The following TMEM131L variants were observed in gnomAD, a reference collection of about 807,000 sequenced individuals.
The protein encoded by TMEM131L is transmembrane 131 like, also known as transmembrane protein 131-like.
TMEM131L carries 54 observed loss-of-function variants against 192.2 expected under a neutral mutation model. The observed-to-expected ratio is 0.28, with a 90% CI of 0.23 to 0.35. The LOEUF is 0.35. Among genes scored for constraint, TMEM131L ranks in the 10% least tolerant of loss-of-function variants. The probability of loss-of-function intolerance (pLI) is 1.00; values close to 1 mark genes in which losing one functional copy is unlikely to be tolerated. For missense variants in TMEM131L, 1,888 were observed against 1,972.9 expected (o/e 0.96, Z 0.82); for synonymous variants, 701 against 704.9 (o/e 0.99, Z 0.09).
In TMEM131L at chr4:153,591,113, C is replaced by T. The variant is rs764982747; in HGVS notation, c.1731C>T (p.Ser577=). Residue 577 remains serine (S), a synonymous_variant, in exon 17 of 35, where the codon TCC becomes TCT. Coordinates refer to ENST00000409959, the MANE Select transcript of TMEM131L (RefSeq NM_001131007.2). The part of the protein sequence containing the change: ...AHLKKSKESE[S]FVFFLPRLIA... ...TGAAGAAATCCAAGGAGTCAGAGTC[C>T]TTTGTTTTCTTTTTGCCTCGTTTGA... 3.1e-6 allele frequency: 5 copies of T among 1,610,588 alleles called. No homozygotes were observed. Among genetic ancestry groups the T allele is most frequent in the Non-Finnish European group, 4.2e-6 (5 of 1,177,978 alleles).
At chr4:153,622,181 C>T (rs988828905) in intron 28 of TMEM131L, among the ~76,000 whole-genome samples, 4 of 152,294 alleles carry the variant, frequency 2.6e-5, no homozygotes, top group East Asian at 1.9e-4. Context: ...GTGCTACCCC[C>T]GTGCCTGAGT....
At chr4:153,626,071 C>A in intron 29 of TMEM131L, 76 bp from the exon 30 acceptor site, 2 of 855,420 alleles carry the variant, frequency 2.3e-6, no homozygotes, top group Non-Finnish European at 3.9e-6. Context: ...TATTAATAAC[C>A]TATGCATTTT....
chr4:153,539,492 ATTTTTTT>A (rs750436196), intron 3 of TMEM131L, among the ~76,000 whole-genome samples: 15 of 110,814 alleles, frequency 1.4e-4, no homozygotes, highest in Non-Finnish European at 1.8e-4. Flanking sequence ...CAGAGGCTAG[ATTTTTTT>A]TTTTTTTTTT....
At chr4:153,608,568 G>A (rs1294544547) in intron 25 of TMEM131L, among the ~76,000 whole-genome samples, 1 of 152,198 alleles carries the variant, frequency 6.6e-6, no homozygotes, top group East Asian at 1.9e-4. Flanking sequence ...TAATGTAAAG[G>A]TATAATTAAA....
At chr4:153,545,389 G>A (rs571952118) in intron 3 of TMEM131L, among the ~76,000 whole-genome samples, 64 of 150,980 alleles carry the variant, frequency 4.2e-4, no homozygotes, top group African/African-American at 1.1e-3. Flanking sequence ...CCGGGTTCAC[G>A]CCATTCTCCT....
intron 31 of TMEM131L, among the ~76,000 whole-genome samples, chr4:153,631,506 G>A (rs1280129874): frequency 1.3e-5 from 2 of 152,194 alleles, no homozygotes; most frequent in Non-Finnish European, 2.9e-5. Flanking sequence ...TGCTACAGGA[G>A]AAGAACCCTG....
intron 15 of TMEM131L, 142 bp downstream of exon 15, chr4:153,587,953 A>C (rs1448572890): frequency 1.5e-6 from 1 of 678,802 alleles, no homozygotes; most frequent in Non-Finnish European, 2.6e-6. Flanking sequence ...TAACAGAATG[A>C]CTTAAAATTG....
intron 33 of TMEM131L, 26 bp from the exon 34 acceptor site, chr4:153,635,406 T>C (rs1287577447): frequency 1.9e-6 from 3 of 1,610,606 alleles, no homozygotes; most frequent in Non-Finnish European, 2.5e-6. Flanking sequence ...TGTTTACCTA[T>C]GATGATATTC....
intron 7 of TMEM131L, among the ~76,000 whole-genome samples, chr4:153,563,952 G>A (rs906334674): frequency 6.6e-6 from 1 of 152,076 alleles, no homozygotes; most frequent in Non-Finnish European, 1.5e-5. Flanking sequence ...GAGGTGACCA[G>A]GTCATGAGGA....
chr4:153,512,507 C>T (rs982432576), intron 3 of TMEM131L, among the ~76,000 whole-genome samples: 17 of 152,324 alleles, frequency 1.1e-4, no homozygotes, highest in African/African-American at 4.1e-4. Flanking sequence ...ACTTGCCAAA[C>T]TTTAATATGA....
chr4:153,603,671 G>T, intron 24 of TMEM131L, 131 bp from the exon 25 acceptor site: 1 of 1,126,910 alleles, frequency 8.9e-7, no homozygotes. Flanking sequence ...AACTCTTGGA[G>T]CTTTGGAAGA....
rs370358127 is a variant in TMEM131L, at chr4:153,580,876, A to G, written c.711A>G (p.Leu237=). The part of the protein sequence containing the change: ...SLLQVQLECS[L]HNKVCQQLKG... ...TGCAGGTGCAACTGGAATGCAGTTT[A>G]CATAATAAAGTGTGTCAGCAATTAA... Residue 237 remains leucine, a synonymous_variant, in exon 8 of 35, where the codon TTA becomes TTG. Transcript: ENST00000409959. 24 of 1,611,314 alleles carry G rather than the reference A, an allele frequency of 1.5e-5. No individual in the cohort carries two copies. The highest frequency in any genetic ancestry group is 2.0e-5 in the Non-Finnish European group (23 of 1,177,596).
Position 153,581,398 on chromosome 4 carries a change from C to G in TMEM131L, c.739-9C>G. 1 of 1,516,374 alleles carries G rather than the reference C, an allele frequency of 6.6e-7. No homozygotes were observed. Among genetic ancestry groups the G allele is most frequent in the Non-Finnish European group, 8.9e-7 (1 of 1,128,890 alleles). 93.9% of individuals were successfully genotyped at this position (1,516,374 alleles called of 1,614,324 possible). A position where few individuals can be genotyped will look rare whatever the true frequency, so the allele number is the denominator to read the frequency against. ...TTTTTTCCTTTTTTCCTCCTCCTTC[C>G]AACCATAGGGTTGTTATCTGGAATC... On this transcript the variant is annotated splice_polypyrimidine_tract_variant and intron_variant, in intron 8 of 34. Coordinates refer to ENST00000409959, the MANE Select transcript of TMEM131L (RefSeq NM_001131007.2).
At chr4:153,609,177 T>C (rs572507738) in intron 25 of TMEM131L, among the ~76,000 whole-genome samples, 11 of 152,166 alleles carry the variant, frequency 7.2e-5, no homozygotes, top group Non-Finnish European at 1.5e-4. Context: ...GGCTCACAGT[T>C]CTGTGGGCTG....
chr4:153,486,153 GA>G (rs71598293), intron 3 of TMEM131L, among the ~76,000 whole-genome samples: 1 of 150,878 alleles, frequency 6.6e-6, no homozygotes, highest in Non-Finnish European at 1.5e-5. Context: ...GCAAATCCCT[GA>G]AAAAAAAAGA....
Position 153,505,108 on chromosome 4 carries a change from T to A in TMEM131L, c.239+31220T>A, listed in dbSNP as rs533429968. Among the ~76,000 whole-genome samples, 9 of 149,014 alleles carry A rather than the reference T, an allele frequency of 6.0e-5. No individual in the cohort carries two copies. The South Asian group carries it at 1.9e-3, about 32-fold the overall frequency. On this transcript the variant is annotated intron_variant, in intron 3 of 34. Coordinates refer to ENST00000409959, the MANE Select transcript of TMEM131L (RefSeq NM_001131007.2). The stretch of plus-strand genomic sequence containing the variant: ...CCAACTTTCCATTTCTTTCTTTCTT[T>A]CTTTTTTTTTTTTTTTGAGATGGAG...
intron 4 of TMEM131L, among the ~76,000 whole-genome samples, chr4:153,550,593 T>C (rs1277892040): frequency 6.6e-6 from 1 of 152,266 alleles, no homozygotes; most frequent in Non-Finnish European, 1.5e-5. Context: ...CCCAAAGTGC[T>C]GGGATTACAG....
intron 3 of TMEM131L, among the ~76,000 whole-genome samples, chr4:153,494,901 C>T (rs879466855): frequency 7.9e-5 from 12 of 152,268 alleles, no homozygotes; most frequent in Non-Finnish European, 1.5e-4. Flanking sequence ...CCTGCTCTGC[C>T]GGGTGTTCAC....
chr4:153,581,301 C>CA (rs1491407621), intron 8 of TMEM131L, 106 bp from the exon 9 acceptor site: 7 of 819,556 alleles, frequency 8.5e-6, no homozygotes, highest in Non-Finnish European at 7.5e-6. Context: ...ATTCTGTTCT[C>CA]ACACACGTCC....
Sources: allele counts gnomAD v4.1 joint callset (sites outside exome capture counted in the v4.1 genomes callset), GRCh38; gene constraint gnomAD v4.1.1; transcripts MANE v1.5; gene names NCBI Gene and HGNC (gene_info 2026-07-23, HGNC 2026-07-21).